Variants in AKAP11 observed in about 807,000 individuals in gnomAD.
AKAP11 encodes the protein A-kinase anchoring protein 11.
Under a neutral mutation model 146.1 loss-of-function variants are expected in AKAP11, and 36 were observed. The ratio of observed to expected loss-of-function variants is 0.25; its 90% CI spans 0.19 to 0.33. The LOEUF (loss-of-function observed/expected upper bound fraction) is 0.33, where lower values mean the gene tolerates loss of function less well. Among genes scored for constraint, AKAP11 ranks in the 10% least tolerant of loss-of-function variants. AKAP11 has a pLI of 1.00. For synonymous variants in AKAP11, 780 were observed against 786.5 expected (o/e 0.99, Z 0.14); for missense variants, 2,201 against 2,197.0 (o/e 1.00, Z -0.04).
rs1959547505 is a variant in AKAP11, at chr13:42,296,899, G to T, written c.217-149G>T. The T allele has an allele frequency of 5.2e-5, 25 of 483,920 alleles. No individual in the cohort carries two copies. The South Asian group carries it at 1.2e-3, about 23-fold the overall frequency. 30.0% of individuals were successfully genotyped at this position (483,920 alleles called of 1,614,324 possible). Reference sequence around the variant, plus strand: ...TTTTTGAATTTTTGAAAAATTATCTGTGAATAATAAACTGTATATGTTAAC... The same window carrying T: ...TTTTTGAATTTTTGAAAAATTATCTTTGAATAATAAACTGTATATGTTAAC... On this transcript the variant is annotated intron_variant, in intron 5 of 12. Transcript: ENST00000025301.
intron 12 of AKAP11, among the ~76,000 whole-genome samples, chr13:42,318,731 T>C (rs1960946499): frequency 6.6e-6 from 1 of 152,188 alleles, no homozygotes; most frequent in African/African-American, 2.4e-5. Context: ...TTTATTATTT[T>C]ATGTCCTAAT....
At chr13:42,283,870 C>A (rs575259461) in intron 1 of AKAP11, among the ~76,000 whole-genome samples, 1 of 152,256 alleles carries the variant, frequency 6.6e-6, no homozygotes, top group African/African-American at 2.4e-5. Flanking sequence ...TTAATGGCTG[C>A]CATGGCGTCA....
intron 11 of AKAP11, among the ~76,000 whole-genome samples, chr13:42,315,482 TA>T (rs1369770392): frequency 6.6e-6 from 1 of 152,220 alleles, no homozygotes; most frequent in Non-Finnish European, 1.5e-5. Context: ...ACAGTTATTC[TA>T]AAGGCTATAC....
At chr13:42,284,568 T>C (rs1213478309) in intron 1 of AKAP11, among the ~76,000 whole-genome samples, 2 of 152,266 alleles carry the variant, frequency 1.3e-5, no homozygotes, top group Non-Finnish European at 1.5e-5. Context: ...TTTGTTTTGA[T>C]AATTTTTGGT....
rs779782512 is a variant in AKAP11, at chr13:42,300,575, G to C, written c.1829G>C (p.Arg610Pro). ...RRQRAFSLKE[R>P]AISGLANFLV... ...CAGCGTGCATTTTCACTAAAAGAAC[G>C]TGCCATTAGTGGCCTGGCTAACTTT... The change falls in exon 8 of 13, where the codon CGT (arginine) becomes CCT (proline). Residue 610 changes from arginine to proline, a missense_variant. By Grantham distance (103) the Arg-to-Pro change is moderately radical. This residue lies in a region of AKAP11 where 1,867 missense variants were observed against 1,833.5 expected (regional missense o/e 1.02). Coordinates refer to ENST00000025301, the MANE Select transcript of AKAP11 (RefSeq NM_016248.4). 1 of 1,613,926 alleles carries C rather than the reference G, an allele frequency of 6.2e-7. No individual in the cohort carries two copies. Among genetic ancestry groups the C allele is most frequent in the African/African-American group, 1.3e-5 (1 of 75,038 alleles).
intron 3 of AKAP11, among the ~76,000 whole-genome samples, chr13:42,288,706 T>A (rs1959184329): frequency 6.6e-6 from 1 of 152,224 alleles, no homozygotes; most frequent in Non-Finnish European, 1.5e-5. Flanking sequence ...TTTCTTTTGG[T>A]TTGAAAGAAT....
At chr13:42,278,314 G>A (rs185791365) in intron 1 of AKAP11, among the ~76,000 whole-genome samples, 35 of 152,278 alleles carry the variant, frequency 2.3e-4, no homozygotes, top group African/African-American at 8.2e-4. Flanking sequence ...AAACAAAATA[G>A]TATCTGATAG....
At position 42,303,777 on chromosome 13, in the gene AKAP11, C is replaced by T. The variant is rs181261991; in HGVS notation, c.5031C>T (p.Ile1677=). 1.2e-4 allele frequency: 189 copies of T among 1,613,728 alleles called. No homozygotes were observed. Among genetic ancestry groups the T allele is most frequent in the African/African-American group, 3.5e-4 (26 of 75,016 alleles). The change falls in exon 8 of 13, where the codon ATC becomes ATT. Residue 1677 remains isoleucine (I), a synonymous_variant. Coordinates refer to ENST00000025301, the MANE Select transcript of AKAP11 (RefSeq NM_016248.4). ...SSTSLAADSG[I]GQEGASFAES... is the part of the protein sequence containing the mutation. The stretch of plus-strand genomic sequence containing the variant: ...CCAGCCTGGCAGCCGACAGTGGGAT[C>T]GGACAGGAGGGTGCCAGCTTTGCTG...
intron 11 of AKAP11, among the ~76,000 whole-genome samples, chr13:42,315,417 A>C (rs1459473977): frequency 1.3e-5 from 2 of 152,194 alleles, no homozygotes; most frequent in Non-Finnish European, 2.9e-5. Context: ...TGTTCACTAA[A>C]AAAGTGTTGA....
At chr13:42,283,249 G>A (rs1285043471) in intron 1 of AKAP11, among the ~76,000 whole-genome samples, 5 of 152,148 alleles carry the variant, frequency 3.3e-5, no homozygotes, top group Non-Finnish European at 5.9e-5. Flanking sequence ...GTGGAGTAAG[G>A]CAGTAAGTTG....
intron 1 of AKAP11, among the ~76,000 whole-genome samples, chr13:42,284,331 C>T (rs536089550): frequency 6.6e-6 from 1 of 152,312 alleles, no homozygotes; most frequent in African/African-American, 2.4e-5. Flanking sequence ...CAAAACTGCC[C>T]TGCAGGTGCC....
chr13:42,279,614 C>T (rs1210561757), intron 1 of AKAP11, among the ~76,000 whole-genome samples: 2 of 152,144 alleles, frequency 1.3e-5, no homozygotes, highest in Non-Finnish European at 2.9e-5. Flanking sequence ...GTATATGGAA[C>T]ATATTTGTAC....
intron 1 of AKAP11, among the ~76,000 whole-genome samples, chr13:42,275,169 C>T (rs1958885261): frequency 6.6e-6 from 1 of 152,234 alleles, no homozygotes; most frequent in Non-Finnish European, 1.5e-5. Flanking sequence ...TCTGGAAGCA[C>T]ATGGTCTTAT....
intron 1 of AKAP11, among the ~76,000 whole-genome samples, chr13:42,278,839 G>C (rs144190240): frequency 6.6e-6 from 1 of 151,676 alleles, no homozygotes; most frequent in Non-Finnish European, 1.5e-5. Flanking sequence ...TGGTCAACTG[G>C]TGGTGAATTT....
At chr13:42,276,653 A>G (rs1958927390) in intron 1 of AKAP11, among the ~76,000 whole-genome samples, 1 of 152,230 alleles carries the variant, frequency 6.6e-6, no homozygotes, top group South Asian at 2.1e-4. Flanking sequence ...ATTTTCTTTC[A>G]GCATCCCAGG....
At chr13:42,317,086 C>T (rs1295928488) in intron 11 of AKAP11, among the ~76,000 whole-genome samples, 1 of 152,178 alleles carries the variant, frequency 6.6e-6, no homozygotes, top group Non-Finnish European at 1.5e-5. Context: ...CCATGTTGGG[C>T]AGGCTGGTCT....
chr13:42,274,294 A>G (rs894390747), intron 1 of AKAP11, among the ~76,000 whole-genome samples: 4 of 152,162 alleles, frequency 2.6e-5, no homozygotes, highest in African/African-American at 9.7e-5. Context: ...AATATGGGGA[A>G]GAGAAAGAAA....
At position 42,301,145 on chromosome 13, in the gene AKAP11, A is replaced by G. The variant is rs1441088157; in HGVS notation, c.2399A>G (p.Gln800Arg). The change falls in exon 8 of 13, where the codon CAG becomes CGG. Residue 800 changes from glutamine (Q) to arginine (R), a missense_variant. By Grantham distance (43) the Gln-to-Arg change is conservative (BLOSUM62 1). Coordinates refer to ENST00000025301, the MANE Select transcript of AKAP11 (RefSeq NM_016248.4). The part of the protein sequence containing the change: ...LPYHISSTAC[Q>R]AKAHLSSDDS... ...TATCATATTTCATCTACTGCATGTC[A>G]GGCCAAGGCTCATCTGTCATCTGAT... The G allele has an allele frequency of 6.2e-7, 1 of 1,613,966 alleles. No homozygotes were observed. The highest frequency in any genetic ancestry group is 8.5e-7 in the Non-Finnish European group (1 of 1,179,972).
At position 42,319,324 on chromosome 13, in the gene AKAP11, A is replaced by G. The variant is rs1049283803; in HGVS notation, c.*96A>G. The G allele has an allele frequency of 4.8e-6, 7 of 1,467,596 alleles. No homozygotes were observed. In the African/African-American group the frequency reaches 7.1e-5, roughly 15 times the overall value. 90.9% of individuals were successfully genotyped at this position (1,467,596 alleles called of 1,614,324 possible). The stretch of plus-strand genomic sequence containing the variant: ...TAAAATTTGAATAGTGAATATTAAC[A>G]TCGTAAGTCAGTTGGGAGGCAAGTA... On this transcript the variant is annotated 3_prime_UTR_variant, in exon 13 of 13. Transcript: ENST00000025301.
Sources: gnomAD v4.1 joint callset for allele counts (sites outside exome capture counted in the v4.1 genomes callset) on GRCh38, gnomAD v4.1.1 for gene constraint, gnomAD v4.1.1 regional missense constraint, MANE v1.5 for transcripts, NCBI Gene and HGNC (gene_info 2026-07-23, HGNC 2026-07-21) for gene names.